Variants in TRPC4 observed in about 807,000 individuals in gnomAD.
TRPC4 encodes the protein short transient receptor potential channel 4.
In TRPC4, 49 loss-of-function variants were observed where a neutral mutation model predicts 99.4. The ratio of observed to expected loss-of-function variants is 0.49; its 90% confidence interval spans 0.39 to 0.63. TRPC4 has a LOEUF of 0.63. Among genes scored for constraint, TRPC4 ranks in the 20% least tolerant of loss-of-function variants. The pLI is 0.00. For synonymous variants in TRPC4, 454 were observed against 425.9 expected (o/e 1.07, Z -0.81); for missense variants, 898 against 1,152.9 (o/e 0.78, Z 3.20).
rs181556584 is a variant in TRPC4, at chr13:37,818,089, G to A, written c.-27-34729C>T. Among the ~76,000 whole-genome samples the A allele has an allele frequency of 4.3e-4, 65 of 151,902 alleles. 1 individual carries two copies. Among genetic ancestry groups the A allele is most frequent in the South Asian group, 1.7e-3 (8 of 4,824 alleles). On this transcript the variant is annotated intron_variant, in intron 1 of 10. Coordinates refer to ENST00000379705, the MANE Select transcript of TRPC4 (RefSeq NM_016179.4). ...CATAGCAAAGAAAATGATTAATAGC[G>A]TGAACAGACAGCCTACAGAATGGGA... is the stretch of plus-strand genomic sequence containing the variant.
intron 1 of TRPC4, among the ~76,000 whole-genome samples, chr13:37,833,628 G>A (rs1321008831): frequency 6.6e-6 from 1 of 152,124 alleles, no homozygotes; most frequent in Non-Finnish European, 1.5e-5. Flanking sequence ...AGATGCACCT[G>A]CAAACCTAAT....
intron 2 of TRPC4, among the ~76,000 whole-genome samples, chr13:37,778,069 A>G (rs1462924360): frequency 6.6e-6 from 1 of 152,084 alleles, no homozygotes; most frequent in East Asian, 1.9e-4. Context: ...TGATAGAGAC[A>G]GTCTGAATGT....
intron 1 of TRPC4, among the ~76,000 whole-genome samples, chr13:37,836,614 G>A (rs1366005575): frequency 1.3e-5 from 2 of 152,084 alleles, no homozygotes; most frequent in Non-Finnish European, 2.9e-5. Flanking sequence ...GATGATTTAG[G>A]GTATCTGCTG....
chr13:37,671,083 T>G (rs1236909807), intron 5 of TRPC4, among the ~76,000 whole-genome samples: 1 of 152,168 alleles, frequency 6.6e-6, no homozygotes, highest in Non-Finnish European at 1.5e-5. Flanking sequence ...TTGGGCAGAT[T>G]TGCATTTTCA....
chr13:37,818,115 GA>G (rs1957911146), intron 1 of TRPC4, among the ~76,000 whole-genome samples: 1 of 151,660 alleles, frequency 6.6e-6, no homozygotes, highest in Admixed American at 6.6e-5. Flanking sequence ...CAGAATGGGA[GA>G]ATACTAGACA....
intron 2 of TRPC4, 56 bp downstream of exon 2, chr13:37,782,900 A>G: frequency 1.4e-6 from 2 of 1,411,964 alleles, no homozygotes; most frequent in African/African-American, 1.4e-5. Context: ...AAGAAAAGAA[A>G]AAACAAAAAA....
At chr13:37,674,977 TAGTGTA>T (rs1360532866) in intron 4 of TRPC4, among the ~76,000 whole-genome samples, 3 of 152,152 alleles carry the variant, frequency 2.0e-5, no homozygotes, top group African/African-American at 7.2e-5. Context: ...TACAAAATAT[TAGTGTA>T]GGTTATTATT....
intron 1 of TRPC4, among the ~76,000 whole-genome samples, chr13:37,855,531 G>A (rs1593326396): frequency 6.6e-6 from 1 of 151,568 alleles, no homozygotes; most frequent in Non-Finnish European, 1.5e-5. Flanking sequence ...AGGACAAATA[G>A]GCTTAATAGA....
At chr13:37,774,196 G>A (rs1956638525) in intron 2 of TRPC4, among the ~76,000 whole-genome samples, 1 of 151,704 alleles carries the variant, frequency 6.6e-6, no homozygotes, top group East Asian at 1.9e-4. Context: ...TAAGGGAAGA[G>A]AGATTATACA....
At chr13:37,727,398 CA>C (rs1253427248) in intron 3 of TRPC4, among the ~76,000 whole-genome samples, 1 of 151,444 alleles carries the variant, frequency 6.6e-6, no homozygotes, top group Non-Finnish European at 1.5e-5. Flanking sequence ...TACAACATAC[CA>C]AAATTTATGA....
At chr13:37,806,174 C>T (rs773500626) in intron 1 of TRPC4, among the ~76,000 whole-genome samples, 3 of 151,842 alleles carry the variant, frequency 2.0e-5, no homozygotes, top group East Asian at 1.9e-4. Flanking sequence ...CAGGAATATT[C>T]GGGAGAAAGT....
At chr13:37,838,379 C>T (rs1031421732) in intron 1 of TRPC4, among the ~76,000 whole-genome samples, 3 of 152,152 alleles carry the variant, frequency 2.0e-5, no homozygotes, top group African/African-American at 7.2e-5. Flanking sequence ...ATCTGATGAA[C>T]TCTAGTTTGA....
chr13:37,855,314 C>T (rs981091848), intron 1 of TRPC4, among the ~76,000 whole-genome samples: 1 of 134,330 alleles, frequency 7.4e-6, no homozygotes, highest in Non-Finnish European at 1.6e-5. Flanking sequence ...TATATATATA[C>T]ACATGTAGAT....
At chr13:37,655,690 T>A (rs987865879) in intron 6 of TRPC4, among the ~76,000 whole-genome samples, 1 of 152,142 alleles carries the variant, frequency 6.6e-6, no homozygotes, top group African/African-American at 2.4e-5. Flanking sequence ...TAAAATTTTA[T>A]TGAAACACAT....
At chr13:37,698,954 A>G (rs1026274870) in intron 3 of TRPC4, among the ~76,000 whole-genome samples, 2 of 152,226 alleles carry the variant, frequency 1.3e-5, no homozygotes, top group African/African-American at 4.8e-5. Context: ...ATATGCCTTC[A>G]TCATGACTCC....
intron 3 of TRPC4, among the ~76,000 whole-genome samples, chr13:37,699,996 C>G (rs1187361690): frequency 6.6e-6 from 1 of 152,058 alleles, no homozygotes; most frequent in Non-Finnish European, 1.5e-5. Flanking sequence ...GCAAACAAAA[C>G]AGCAAGCAAA....
In TRPC4 at chr13:37,806,305, C is replaced by A. The variant is rs574640686; in HGVS notation, c.-27-22945G>T. On this transcript the variant is annotated intron_variant, in intron 1 of 10. Transcript: ENST00000379705. ...TTACCTTCATCTTTGATACATCGAA[C>A]TATTGTCAATAGAATTATTTTACAC... is the stretch of plus-strand genomic sequence containing the variant. Among the ~76,000 whole-genome samples, 5 of 152,082 alleles carry A rather than the reference C, an allele frequency of 3.3e-5. No homozygotes were observed. In the East Asian group the frequency reaches 9.7e-4, roughly 29 times the overall value.
chr13:37,715,757 T>C (rs1347805329), intron 3 of TRPC4, among the ~76,000 whole-genome samples: 2 of 152,316 alleles, frequency 1.3e-5, no homozygotes, highest in African/African-American at 4.8e-5. Flanking sequence ...ATAGGCTGTT[T>C]TGTCAGATAA....
intron 6 of TRPC4, among the ~76,000 whole-genome samples, chr13:37,655,919 G>C (rs1952216497): frequency 6.6e-6 from 1 of 152,018 alleles, no homozygotes. Context: ...CTCTTTTACT[G>C]ATTTTGCTTT....
Sources: allele counts gnomAD v4.1 joint callset (sites outside exome capture counted in the v4.1 genomes callset), GRCh38; gene constraint gnomAD v4.1.1; transcripts MANE v1.5; gene names NCBI Gene and HGNC (gene_info 2026-07-23, HGNC 2026-07-21).